Variants in MINDY3 observed in about 807,000 individuals in gnomAD.
MINDY3 encodes the protein ubiquitin carboxyl-terminal hydrolase MINDY-3.
Under a neutral mutation model 69.2 loss-of-function variants are expected in MINDY3, and 38 were observed. The observed-to-expected ratio is 0.55, with a 90% CI of 0.42 to 0.72. The LOEUF is 0.72. MINDY3 is among the 30% of genes least tolerant of loss of function. The pLI is 0.00. For synonymous variants in MINDY3, 192 were observed against 180.1 expected, an observed-to-expected ratio of 1.07 and a Z score of -0.53; for missense variants, 522 against 519.0, an observed-to-expected ratio of 1.01 and a Z score of -0.06.
chr10:15,852,840 G>A (rs1159712126), intron 1 of MINDY3, among the ~76,000 whole-genome samples: 1 of 152,078 alleles, frequency 6.6e-6, no homozygotes, highest in Admixed American at 6.6e-5. Flanking sequence ...AAATATTTGA[G>A]GGTGGGAAAA....
chr10:15,798,093 C>CT (rs955155610), intron 10 of MINDY3, among the ~76,000 whole-genome samples: 1 of 151,970 alleles, frequency 6.6e-6, no homozygotes. Flanking sequence ...CATTCTCAAC[C>CT]TTTTTTTGCG....
intron 11 of MINDY3, among the ~76,000 whole-genome samples, chr10:15,793,431 G>A (rs1286917012): frequency 6.6e-6 from 1 of 152,060 alleles, no homozygotes. Context: ...TGTTTTATAA[G>A]TATGCTTGAT....
At chr10:15,786,671 C>G (rs752746552) in intron 12 of MINDY3, 23 bp from the exon 13 acceptor site, 1 of 1,323,434 alleles carries the variant, frequency 7.6e-7, no homozygotes, top group Admixed American at 1.9e-5. Context: ...AGAAGAAAAA[C>G]AGTGGATACC....
rs755371906 is a variant in MINDY3 at position 15,779,015 on chromosome 10, C to T, written c.1315G>A (p.Asp439Asn). 17 of 1,613,092 alleles carry T rather than the reference C, an allele frequency of 1.1e-5. 2 individuals carry two copies. In the South Asian group the frequency reaches 1.9e-4, roughly 18 times the overall value. ...AATTAATTTAGTGAAGGAGAGCGAT[C>T]TGTGGTCCAGAGTAACTCAATGTAT... ...WPYIELLWTT[D>N]RSPSLN Residue 439 changes from aspartate (D) to asparagine (N), a missense_variant, in exon 15 of 15, where the codon GAT becomes AAT. Physicochemically the swap from Asp to Asn is conservative, Grantham distance 23. Coordinates refer to ENST00000277632, the MANE Select transcript of MINDY3 (RefSeq NM_024948.4).
chr10:15,857,190 C>A (rs1409500724), intron 1 of MINDY3, among the ~76,000 whole-genome samples: 2 of 151,878 alleles, frequency 1.3e-5, no homozygotes, highest in Non-Finnish European at 2.9e-5. Flanking sequence ...CTTCTTGTTC[C>A]TTAAACAGAC....
At chr10:15,812,818 T>C (rs1839099309) in intron 10 of MINDY3, among the ~76,000 whole-genome samples, 1 of 152,172 alleles carries the variant, frequency 6.6e-6, no homozygotes, top group Non-Finnish European at 1.5e-5. Context: ...TAAGTACACA[T>C]TTTCTAAAGC....
intron 11 of MINDY3, among the ~76,000 whole-genome samples, chr10:15,792,168 A>T (rs1431143024): frequency 6.6e-6 from 1 of 152,028 alleles, no homozygotes; most frequent in Admixed American, 6.6e-5. Flanking sequence ...CTATATTCCT[A>T]TTGAAAAAGC....
intron 10 of MINDY3, among the ~76,000 whole-genome samples, chr10:15,810,195 C>T (rs1838901871): frequency 6.6e-6 from 1 of 151,972 alleles, no homozygotes; most frequent in Non-Finnish European, 1.5e-5. Context: ...TACTTTGGCA[C>T]TGAAAATTAA....
Position 15,858,317 on chromosome 10 carries a change from G to C in MINDY3, c.94+1889C>G, listed in dbSNP as rs149016326. Among the ~76,000 whole-genome samples, 346 of 152,244 alleles carry C rather than the reference G, an allele frequency of 2.3e-3. 2 individuals carry two copies. Among genetic ancestry groups the C allele is most frequent in the Middle Eastern group, 6.8e-3 (2 of 294 alleles). ...GAACTAATCCTGTTAAAGAATTTCTGCATGATTAAAGGTGGCAGAGCGTTC... is the reference window on the plus strand; with the variant it reads ...GAACTAATCCTGTTAAAGAATTTCTCCATGATTAAAGGTGGCAGAGCGTTC... On this transcript the variant is annotated intron_variant, in intron 1 of 14. Transcript: ENST00000277632.
intron 10 of MINDY3, among the ~76,000 whole-genome samples, chr10:15,807,125 G>A (rs547999860): frequency 2.2e-4 from 33 of 152,286 alleles, no homozygotes; most frequent in South Asian, 1.2e-3. Context: ...AGGATTAAAT[G>A]AGGAATGCTC....
chr10:15,837,708 C>A, intron 5 of MINDY3: 3 of 1,069,450 alleles, frequency 2.8e-6, no homozygotes, highest in Non-Finnish European at 1.1e-6. Context: ...TATCTTAATG[C>A]CAAAGATAAC....
chr10:15,836,479 G>A (rs911195550), intron 6 of MINDY3, among the ~76,000 whole-genome samples: 3 of 151,778 alleles, frequency 2.0e-5, no homozygotes, highest in Non-Finnish European at 4.4e-5. Flanking sequence ...ATAGTCCCTA[G>A]CATAGAGTCA....
intron 6 of MINDY3, among the ~76,000 whole-genome samples, chr10:15,835,740 C>T (rs998607012): frequency 2.0e-5 from 3 of 151,682 alleles, no homozygotes; most frequent in Non-Finnish European, 4.4e-5. Flanking sequence ...ACAGCTACTC[C>T]GAACATCTAC....
chr10:15,841,579 G>C lies in MINDY3; in HGVS notation c.256C>G (p.Leu86Val). The change falls in exon 4 of 15, where the codon CTT becomes GTT. Residue 86 changes from leucine to valine, a missense_variant. Coordinates refer to ENST00000277632, the MANE Select transcript of MINDY3 (RefSeq NM_024948.4). Reference protein sequence around the residue: ...DCSEEEQKELLCHTLCDILES... With the variant: ...DCSEEEQKELVCHTLCDILES... ...AAAATATCACACAAGGTATGACAAA[G>C]GAGTTCCTTCTGCTCTTCCTCTAAA... 1 of 1,607,462 alleles carries C rather than the reference G, an allele frequency of 6.2e-7. No homozygotes were observed. The highest frequency in any genetic ancestry group is 8.5e-7 in the Non-Finnish European group (1 of 1,176,632).
chr10:15,780,045 G>A (rs993180697), intron 14 of MINDY3, among the ~76,000 whole-genome samples: 9 of 152,078 alleles, frequency 5.9e-5, no homozygotes, highest in Admixed American at 2.0e-4. Context: ...AGATACAGAC[G>A]ACTGTCTTCT....
At chr10:15,809,476 T>C (rs1838854841) in intron 10 of MINDY3, among the ~76,000 whole-genome samples, 1 of 152,196 alleles carries the variant, frequency 6.6e-6, no homozygotes. Context: ...ATACGATTTC[T>C]GAAGACCCAT....
chr10:15,827,321 C>G (rs1840157502), intron 8 of MINDY3, among the ~76,000 whole-genome samples: 2 of 151,866 alleles, frequency 1.3e-5, no homozygotes, highest in African/African-American at 2.4e-5. Context: ...GTTGACGGAT[C>G]ACCTGAGGTT....
At position 15,818,872 on chromosome 10, in the gene MINDY3, T is replaced by C. The variant is rs570849024; in HGVS notation, c.802-1957A>G. Among the ~76,000 whole-genome samples, 99 of 152,232 alleles carry C rather than the reference T, an allele frequency of 6.5e-4. 1 individual carries two copies. The South Asian group carries it at 0.02, about 31-fold the overall frequency. On this transcript the variant is annotated intron_variant, in intron 9 of 14. Transcript: ENST00000277632. ...ACTGCTAATGGGTTTAGAGCTCCTT[T>C]TGTGGGTAAGGAAAACATTTTGGAA...
intron 1 of MINDY3, among the ~76,000 whole-genome samples, chr10:15,857,297 G>C (rs750039309): frequency 2.6e-5 from 4 of 152,126 alleles, no homozygotes; most frequent in Non-Finnish European, 4.4e-5. Context: ...GTGACTCCAA[G>C]TGTTTGCTCA....
Sources: gnomAD v4.1 joint callset for allele counts (sites outside exome capture counted in the v4.1 genomes callset) on GRCh38, gnomAD v4.1.1 for gene constraint, MANE v1.5 for transcripts, NCBI Gene and HGNC (gene_info 2026-07-23, HGNC 2026-07-21) for gene names.